The following KLF8 variants were observed in gnomAD, a reference collection of about 807,000 sequenced individuals.
KLF8 encodes Krueppel-like factor 8.
Under a neutral mutation model 18.2 loss-of-function variants are expected in KLF8, and 10 were observed. The observed-to-expected ratio is 0.55, with a 90% confidence interval of 0.34 to 0.93. KLF8 has a LOEUF of 0.93. Among genes scored for constraint, KLF8 ranks in the 40% least tolerant of loss-of-function variants. The probability of loss-of-function intolerance (pLI) is 0.02; values close to 1 mark genes in which losing one functional copy is unlikely to be tolerated. For missense variants in KLF8, 264 were observed against 277.9 expected (o/e 0.95, Z 0.36); for synonymous variants, 109 against 97.3 (o/e 1.12, Z -0.71).
the KLF8 span, among the ~76,000 whole-genome samples, chrX:56,149,885 A>T: frequency 1.8e-5 from 2 of 111,000 alleles, no homozygotes; most frequent in Admixed American, 1.9e-4. Flanking sequence ...TCTCTAAGGC[A>T]TAAATACCTT....
At chrX:55,932,085 CTCT>C in the KLF8 span, among the ~76,000 whole-genome samples, 1 of 110,807 alleles carries the variant, frequency 9.0e-6, no homozygotes, top group Non-Finnish European at 1.9e-5. Context: ...GGATAGTTAG[CTCT>C]TCTTGTTGCA....
the KLF8 span, among the ~76,000 whole-genome samples, chrX:56,006,095 A>G: frequency 1.8e-5 from 2 of 112,130 alleles, no homozygotes; most frequent in African/African-American, 6.5e-5. Context: ...AAAGTCTCCT[A>G]GAGGAATATA....
the KLF8 span, among the ~76,000 whole-genome samples, chrX:56,132,103 A>G: frequency 1.8e-5 from 2 of 111,845 alleles, no homozygotes; most frequent in Non-Finnish European, 1.9e-5. Context: ...CAACAAAGAA[A>G]CAATGGATTT....
At chrX:56,159,572 A>T in the KLF8 span, among the ~76,000 whole-genome samples, 4 of 112,036 alleles carry the variant, frequency 3.6e-5, no homozygotes, top group Non-Finnish European at 7.5e-5. Context: ...AGAGCCTGTT[A>T]TTGGTCCATT....
the KLF8 span, among the ~76,000 whole-genome samples, chrX:56,027,672 A>C: frequency 8.9e-6 from 1 of 111,936 alleles, no homozygotes; most frequent in Non-Finnish European, 1.9e-5. Context: ...TGGGTTGATG[A>C]AGCTGCTCCC....
chrX:56,164,751 C>CTTT, the KLF8 span, among the ~76,000 whole-genome samples: 1 of 35,934 alleles, frequency 2.8e-5, no homozygotes, highest in African/African-American at 1.1e-4. Flanking sequence ...TTTTTTTTAA[C>CTTT]TTTTTTTTTT....
the KLF8 span, among the ~76,000 whole-genome samples, chrX:56,079,043 A>G: frequency 1.8e-5 from 2 of 110,182 alleles, no homozygotes; most frequent in Non-Finnish European, 3.8e-5. Flanking sequence ...TTTCTTCTTT[A>G]TTAGTCTTGC....
At chrX:56,091,469 A>G in the KLF8 span, among the ~76,000 whole-genome samples, 1 of 111,365 alleles carries the variant, frequency 9.0e-6, no homozygotes, top group Admixed American at 9.6e-5. Context: ...TGTGATAAAC[A>G]TAAAAGTATA....
At chrX:56,061,278 T>C in the KLF8 span, among the ~76,000 whole-genome samples, 4 of 112,146 alleles carry the variant, frequency 3.6e-5, no homozygotes, top group South Asian at 1.5e-3. Flanking sequence ...TTTAGATCTT[T>C]CCTGCTTTCT....
At chrX:56,155,865 T>C in the KLF8 span, among the ~76,000 whole-genome samples, 15 of 111,697 alleles carry the variant, frequency 1.3e-4, no homozygotes, top group African/African-American at 4.9e-4. Flanking sequence ...TATTTCCGTG[T>C]GTGCTCAATA....
the KLF8 span, among the ~76,000 whole-genome samples, chrX:56,180,479 C>A: frequency 9.0e-6 from 1 of 110,600 alleles, no homozygotes; most frequent in Admixed American, 9.7e-5. Context: ...CTGCCCTGAT[C>A]TTAGTTATTT....
At chrX:56,067,724 A>AT in the KLF8 span, among the ~76,000 whole-genome samples, 8 of 112,075 alleles carry the variant, frequency 7.1e-5, no homozygotes, top group African/African-American at 2.6e-4. Flanking sequence ...GAATGGGAGA[A>AT]TCCCCCTTCC....
the KLF8 span, among the ~76,000 whole-genome samples, chrX:56,216,952 A>G: frequency 9.0e-6 from 1 of 110,890 alleles, no homozygotes; most frequent in East Asian, 2.8e-4. Flanking sequence ...GCCTTCCTTG[A>G]TCTCCCCTGC....
chrX:55,939,122 G>T, the KLF8 span, among the ~76,000 whole-genome samples: 1 of 111,575 alleles, frequency 9.0e-6, no homozygotes, highest in Non-Finnish European at 1.9e-5. Context: ...CACATGGTTG[G>T]AAGTAAAGCT....
the KLF8 span, among the ~76,000 whole-genome samples, chrX:56,088,068 T>G: frequency 9.0e-6 from 1 of 111,725 alleles, no homozygotes; most frequent in East Asian, 2.8e-4. Context: ...TTGCCTTGTG[T>G]AGTGATGATT....
At chrX:55,946,142 A>G in the KLF8 span, among the ~76,000 whole-genome samples, 2 of 111,374 alleles carry the variant, frequency 1.8e-5, no homozygotes, top group African/African-American at 6.5e-5. Flanking sequence ...CTACTTTAAA[A>G]TTCATATGGA....
the KLF8 span, among the ~76,000 whole-genome samples, chrX:56,165,188 A>G: frequency 1.4e-4 from 16 of 111,153 alleles, no homozygotes; most frequent in African/African-American, 4.6e-4. Flanking sequence ...GAATTTTAAA[A>G]TACTTCTTTT....
chrX:56,038,703 C>T, the KLF8 span, among the ~76,000 whole-genome samples: 3 of 112,355 alleles, frequency 2.7e-5, no homozygotes, highest in Admixed American at 1.9e-4. Context: ...TATAATAGAA[C>T]GATTTATATT....
At chrX:56,166,173 G>T in the KLF8 span, among the ~76,000 whole-genome samples, 262 of 106,191 alleles carry the variant, frequency 2.5e-3, 1 homozygote, top group African/African-American at 8.8e-3. Context: ...GCACTTCAGT[G>T]TACAGAAGAA....
Sources: gnomAD v4.1 joint callset for allele counts (sites outside exome capture counted in the v4.1 genomes callset) on GRCh38, gnomAD v4.1.1 for gene constraint, MANE v1.5 for transcripts, NCBI Gene and HGNC (gene_info 2026-07-23, HGNC 2026-07-21) for gene names.